The following ZNF562 variants were observed in gnomAD, a reference collection of about 807,000 sequenced individuals.
ZNF562 encodes the protein zinc finger protein 562.
Under a neutral mutation model 17.5 loss-of-function variants are expected in ZNF562, and 13 were observed. That is an observed-to-expected ratio of 0.74 (90% confidence interval 0.48 to 1.18). The LOEUF (loss-of-function observed/expected upper bound fraction) is 1.18, where lower values mean the gene tolerates loss of function less well. Among genes scored for constraint, ZNF562 ranks in the 50% most tolerant of loss-of-function variants. The pLI is 0.00. For synonymous variants in ZNF562, 163 were observed against 165.4 expected, an observed-to-expected ratio of 0.99 and a Z score of 0.11; for missense variants, 481 against 498.5, an observed-to-expected ratio of 0.96 and a Z score of 0.33.
At chr19:9,674,445 G>A (rs2044323273) in intron 1 of ZNF562, among the ~76,000 whole-genome samples, 2 of 151,916 alleles carry the variant, frequency 1.3e-5, no homozygotes, top group African/African-American at 4.8e-5. Flanking sequence ...AACCCGGGAG[G>A]TGAAAGTTGC....
intron 1 of ZNF562, among the ~76,000 whole-genome samples, chr19:9,671,334 C>G (rs541239600): frequency 9.9e-4 from 150 of 152,200 alleles, no homozygotes; most frequent in African/African-American, 3.5e-3. Flanking sequence ...AAGATATTCC[C>G]TTGTCTGGAT....
intron 1 of ZNF562, among the ~76,000 whole-genome samples, chr19:9,661,146 T>C (rs2043719629): frequency 6.6e-6 from 1 of 152,090 alleles, no homozygotes; most frequent in Admixed American, 6.6e-5. Flanking sequence ...TATCTATGTA[T>C]CTATCCATCT....
chr19:9,653,982 T>C (rs2043365263), intron 5 of ZNF562, 101 bp from the exon 6 acceptor site: 2 of 1,304,908 alleles, frequency 1.5e-6, no homozygotes, highest in African/African-American at 3.4e-5. Context: ...ATTTTACTTT[T>C]TAATGTTTAA....
In ZNF562 at chr19:9,655,118, G is replaced by A. The variant is rs139452294; in HGVS notation, c.349-1237C>T. On this transcript the variant is annotated intron_variant, in intron 5 of 5. Coordinates refer to ENST00000453372, the MANE Select transcript of ZNF562 (RefSeq NM_001130031.2). Reference sequence around the variant, plus strand: ...CCATCATCCTGCCTCAGTCTCCTGAGGAGCCTGGATTACAGGTGCATGCCA... The same window carrying A: ...CCATCATCCTGCCTCAGTCTCCTGAAGAGCCTGGATTACAGGTGCATGCCA... 1.1e-4 allele frequency among the ~76,000 whole-genome samples: 17 copies of A among 152,150 alleles called. No homozygotes were observed. In the East Asian group the frequency reaches 3.3e-3, roughly 29 times the overall value.
intron 1 of ZNF562, 92 bp from the exon 2 acceptor site, chr19:9,660,966 G>T: frequency 2.3e-6 from 1 of 430,594 alleles, no homozygotes; most frequent in Non-Finnish European, 4.1e-6. Context: ...AGATGTGAAG[G>T]CCACCAAAAA....
rs2074843485 is a variant in ZNF562, at chr19:9,649,871, TA to T, written c.*3077del. 1 of 152,158 alleles carries T rather than the reference TA, an allele frequency of 6.6e-6. No homozygotes were observed. The allele number at this position is 152,158 out of a possible 1,614,324, so 9.4% of individuals were successfully genotyped here. A position where few individuals can be genotyped will look rare whatever the true frequency, so the allele number is the denominator to read the frequency against. On this transcript the variant is annotated 3_prime_UTR_variant, in exon 6 of 6. Transcript: ENST00000453372. ...TCCCTCCCCTTTTGAAAATCCCTAA[TA>T]AAAACTTGCTGGTTTTTGCGGCTTG...
Position 9,652,840 on chromosome 19 carries a change from G to A in ZNF562, c.*109C>T, listed in dbSNP as rs761581351. ...TTCTTTCATGCATACTTAGGCATGA[G>A]GAAAGAGCAAATGCTTTCCCAAATT... On this transcript the variant is annotated 3_prime_UTR_variant, in exon 6 of 6. Coordinates refer to ENST00000453372, the MANE Select transcript of ZNF562 (RefSeq NM_001130031.2). The A allele has an allele frequency of 3.2e-5, 33 of 1,033,774 alleles. No homozygotes were observed. Among genetic ancestry groups the A allele is most frequent in the Non-Finnish European group, 4.5e-5 (33 of 733,114 alleles). The allele number at this position is 1,033,774 out of a possible 1,614,324, so 64.0% of individuals were successfully genotyped here. A position where few individuals can be genotyped will look rare whatever the true frequency, so the allele number is the denominator to read the frequency against.
intron 1 of ZNF562, among the ~76,000 whole-genome samples, chr19:9,666,568 G>A (rs1243212466): frequency 6.6e-6 from 1 of 151,204 alleles, no homozygotes; most frequent in Admixed American, 6.6e-5. Context: ...AAATAAAATT[G>A]AAAATAAAAA....
chr19:9,649,819 G>A lies in ZNF562; in HGVS notation c.*3130C>T. 6.6e-6 allele frequency: 1 copy of A among 152,112 alleles called. No individual in the cohort carries two copies. The highest frequency in any genetic ancestry group is 6.6e-5 in the Admixed American group (1 of 15,258). The allele number at this position is 152,112 out of a possible 1,614,324, so 9.4% of individuals were successfully genotyped here. A position where few individuals can be genotyped will look rare whatever the true frequency, so the allele number is the denominator to read the frequency against. On this transcript the variant is annotated 3_prime_UTR_variant, in exon 6 of 6. Coordinates refer to ENST00000453372, the MANE Select transcript of ZNF562 (RefSeq NM_001130031.2). ...TCTATTACCTTGTAAAGTACTTGATGTCTGTGACCCACACCTATTTGCACA... is the reference window on the plus strand; with the variant it reads ...TCTATTACCTTGTAAAGTACTTGATATCTGTGACCCACACCTATTTGCACA...
intron 4 of ZNF562, among the ~76,000 whole-genome samples, chr19:9,657,616 G>A (rs1428547935): frequency 1.3e-5 from 2 of 149,290 alleles, no homozygotes; most frequent in African/African-American, 2.5e-5. Context: ...GCACAATCTC[G>A]GCTCACTGCA....
intron 2 of ZNF562, 97 bp downstream of exon 2, chr19:9,660,623 A>T: frequency 7.3e-6 from 9 of 1,226,368 alleles, no homozygotes; most frequent in Non-Finnish European, 1.0e-5. Flanking sequence ...AAAAAAAAAA[A>T]GCAGCATGCC....
intron 1 of ZNF562, among the ~76,000 whole-genome samples, chr19:9,669,767 CACACACACAA>C (rs1568282208): frequency 4.6e-5 from 7 of 151,388 alleles, no homozygotes; most frequent in African/African-American, 1.7e-4. Flanking sequence ...CACACACACA[CACACACACAA>C]CCAGTCAGGG....
In ZNF562 at chr19:9,647,158, T is replaced by C. The variant is rs2074813159; in HGVS notation, c.*5791A>G. ...GTGCAGTGGTGTGATCTAGGCTCAT[T>C]GAAACCTCCACTTCAGGGGTTCAAG... On this transcript the variant is annotated 3_prime_UTR_variant, in exon 6 of 6. Coordinates refer to ENST00000453372, the MANE Select transcript of ZNF562 (RefSeq NM_001130031.2). The C allele has an allele frequency of 6.6e-6, 1 of 151,626 alleles. No individual in the cohort carries two copies. 9.4% of individuals were successfully genotyped at this position (151,626 alleles called of 1,614,324 possible).
chr19:9,671,770 C>T (rs2044208702), intron 1 of ZNF562, among the ~76,000 whole-genome samples: 1 of 152,210 alleles, frequency 6.6e-6, no homozygotes. Flanking sequence ...GAGTACAGCC[C>T]TCTGGTATTG....
At chr19:9,672,837 T>C (rs898056007) in intron 1 of ZNF562, among the ~76,000 whole-genome samples, 4 of 147,550 alleles carry the variant, frequency 2.7e-5, no homozygotes, top group African/African-American at 1.0e-4. Context: ...TGGAGGGCAG[T>C]GGCGGGATCT....
Position 9,667,831 on chromosome 19 carries a change from G to A in ZNF562, c.-130-6957C>T, listed in dbSNP as rs1237807800. Among the ~76,000 whole-genome samples the A allele has an allele frequency of 2.0e-5, 3 of 151,898 alleles. No individual in the cohort carries two copies. In the East Asian group the frequency reaches 5.8e-4, roughly 29 times the overall value. On this transcript the variant is annotated intron_variant, in intron 1 of 5. Transcript: ENST00000453372. ...GCTGACCTTGAACTCCTGATTTCAA[G>A]TGATCCTCTTGCTTTGGCCTCCTAA...
intron 1 of ZNF562, among the ~76,000 whole-genome samples, chr19:9,665,219 TAA>T (rs1175383402): frequency 1.4e-4 from 15 of 109,424 alleles, no homozygotes; most frequent in Non-Finnish European, 1.4e-4. Context: ...AGACTCTGTC[TAA>T]AAAAAAAAAA....
chr19:9,673,541 G>A (rs1035014939), intron 1 of ZNF562, among the ~76,000 whole-genome samples: 19 of 151,912 alleles, frequency 1.3e-4, no homozygotes, highest in South Asian at 4.2e-4. Flanking sequence ...CAGGTGATCC[G>A]CCTGCCTCTG....
In ZNF562 at chr19:9,643,425, A is replaced by C. The variant is rs2074785912; in HGVS notation, c.*9524T>G. The C allele has an allele frequency of 6.6e-6, 1 of 152,134 alleles. No homozygotes were observed. The highest frequency in any genetic ancestry group is 1.5e-5 in the Non-Finnish European group (1 of 68,026). 9.4% of individuals were successfully genotyped at this position (152,134 alleles called of 1,614,324 possible). On this transcript the variant is annotated 3_prime_UTR_variant, in exon 6 of 6. Transcript: ENST00000453372. ...TTGAGCATCCCTCTGGGCAAATTCC[A>C]GGCATCATCCATAATGATGAATGCA...
Sources: allele counts gnomAD v4.1 joint callset (sites outside exome capture counted in the v4.1 genomes callset), GRCh38; gene constraint gnomAD v4.1.1; transcripts MANE v1.5; gene names NCBI Gene and HGNC (gene_info 2026-07-23, HGNC 2026-07-21).